The following DCDC1 variants were observed in gnomAD, a reference collection of about 807,000 sequenced individuals.
The protein encoded by DCDC1 is doublecortin domain containing 1, also known as doublecortin domain-containing protein 1.
DCDC1 carries 200 observed loss-of-function variants against 178.3 expected under a neutral mutation model. The ratio of observed to expected loss-of-function variants is 1.12; its 90% confidence interval spans 1.00 to 1.26. The LOEUF (loss-of-function observed/expected upper bound fraction) is 1.26. DCDC1 is among the 50% of genes most tolerant of loss of function. The pLI, the probability that DCDC1 is intolerant of heterozygous loss-of-function variation, is 0.00. For missense variants in DCDC1, 1,983 were observed against 1,749.2 expected, an observed-to-expected ratio of 1.13 and a Z score of -2.38; for synonymous variants, 690 against 604.8, an observed-to-expected ratio of 1.14 and a Z score of -2.07.
chr11:31,280,800 C>T (rs1408171302), intron 7 of DCDC1: 2 of 615,712 alleles, frequency 3.2e-6, no homozygotes, highest in East Asian at 7.8e-5. Context: ...ATCAGTGTAT[C>T]CTCTCCCCAG....
chr11:31,024,466 A>G (rs1953090386), intron 20 of DCDC1, among the ~76,000 whole-genome samples: 1 of 152,008 alleles, frequency 6.6e-6, no homozygotes, highest in Non-Finnish European at 1.5e-5. Flanking sequence ...TTTTTTAAAA[A>G]GAATTATATG....
chr11:30,866,067 G>T (rs1400751252), intron 38 of DCDC1, among the ~76,000 whole-genome samples: 3 of 152,036 alleles, frequency 2.0e-5, no homozygotes, highest in African/African-American at 7.2e-5. Context: ...GACTAGGGTG[G>T]GCCCCTAATC....
chr11:31,042,649 T>G (rs1954544153), intron 20 of DCDC1, among the ~76,000 whole-genome samples: 1 of 152,190 alleles, frequency 6.6e-6, no homozygotes, highest in Non-Finnish European at 1.5e-5. Context: ...TTGAAATATC[T>G]GTATACAACC....
intron 9 of DCDC1, among the ~76,000 whole-genome samples, chr11:31,234,700 T>C (rs1054415550): frequency 2.6e-5 from 4 of 152,068 alleles, no homozygotes; most frequent in African/African-American, 9.7e-5. Flanking sequence ...GTGAGCATTA[T>C]TGTTTTCGGA....
chr11:31,026,904 C>T (rs1462124907), intron 20 of DCDC1, among the ~76,000 whole-genome samples: 1 of 151,738 alleles, frequency 6.6e-6, no homozygotes, highest in Non-Finnish European at 1.5e-5. Flanking sequence ...CCTTAAAGCA[C>T]AGCAACCCTC....
intron 9 of DCDC1, among the ~76,000 whole-genome samples, chr11:31,235,075 C>T (rs952116187): frequency 6.6e-6 from 1 of 152,082 alleles, no homozygotes; most frequent in Non-Finnish European, 1.5e-5. Context: ...GAAATTTCCA[C>T]ATAAGATATC....
Position 31,091,417 on chromosome 11 carries a change from C to T in DCDC1, c.2213G>A (p.Gly738Glu), listed in dbSNP as rs751269799. ...CCTTTTCTGTAAGATTAATTTATAT[C>T]CTTCTAGTGATGTTCCCTCAGCAGC... ...VKAAEGTSLE[G>E]YKLILQKRHS... The change falls in exon 17 of 39, where the codon GGA becomes GAA. Residue 738 changes from glycine (G) to glutamate (E), a missense_variant. Gly to Glu is a moderately conservative substitution (Grantham distance 98). Coordinates refer to ENST00000684477, the MANE Select transcript of DCDC1 (RefSeq NM_001387274.1). 2.6e-6 allele frequency: 2 copies of T among 756,186 alleles called. No homozygotes were observed. Among genetic ancestry groups the T allele is most frequent in the Admixed American group, 1.7e-5 (1 of 57,826 alleles). 46.8% of individuals were successfully genotyped at this position (756,186 alleles called of 1,614,324 possible).
intron 20 of DCDC1, among the ~76,000 whole-genome samples, chr11:30,958,232 A>G (rs1948880505): frequency 6.6e-6 from 1 of 152,132 alleles, no homozygotes; most frequent in East Asian, 1.9e-4. Context: ...TTTGAGGAAA[A>G]AGTATGTGGA....
chr11:31,078,165 T>C (rs1451834522), intron 17 of DCDC1, among the ~76,000 whole-genome samples: 1 of 152,146 alleles, frequency 6.6e-6, no homozygotes, highest in Non-Finnish European at 1.5e-5. Flanking sequence ...GTGTTACCAG[T>C]AGCAACAGTG....
intron 1 of DCDC1, among the ~76,000 whole-genome samples, chr11:31,353,528 G>A (rs2133316060): frequency 6.6e-6 from 1 of 152,246 alleles, no homozygotes; most frequent in East Asian, 1.9e-4. Context: ...GCCTAAATAT[G>A]TGGCCCACTA....
At chr11:31,018,871 T>C (rs1952673342) in intron 20 of DCDC1, among the ~76,000 whole-genome samples, 1 of 151,988 alleles carries the variant, frequency 6.6e-6, no homozygotes, top group African/African-American at 2.4e-5. Flanking sequence ...TGAGCTTTGG[T>C]AATAAGGTGT....
At chr11:31,206,252 C>T (rs1971848205) in intron 9 of DCDC1, among the ~76,000 whole-genome samples, 1 of 152,164 alleles carries the variant, frequency 6.6e-6, no homozygotes, top group Non-Finnish European at 1.5e-5. Context: ...AAGCCCATTG[C>T]TGAGAGTGGG....
At chr11:30,982,903 C>T (rs1029884067) in intron 20 of DCDC1, among the ~76,000 whole-genome samples, 12 of 152,090 alleles carry the variant, frequency 7.9e-5, no homozygotes, top group African/African-American at 1.2e-4. Flanking sequence ...AAAATTTTAT[C>T]AATTTACATT....
At chr11:31,259,732 T>C (rs1211548776) in intron 8 of DCDC1, among the ~76,000 whole-genome samples, 1 of 152,172 alleles carries the variant, frequency 6.6e-6, no homozygotes, top group Non-Finnish European at 1.5e-5. Flanking sequence ...AATGCCTTAA[T>C]GGGAGATTGC....
Position 30,864,956 on chromosome 11 carries a change from T to C in DCDC1, c.*417A>G, listed in dbSNP as rs1940855565. On this transcript the variant is annotated 3_prime_UTR_variant, in exon 39 of 39. Coordinates refer to ENST00000684477, the MANE Select transcript of DCDC1 (RefSeq NM_001387274.1). ...AAACTGAGTTATTTTGAAGGATAAA[T>C]TTATTTTTTATTTTTTATTTTTTGC... The C allele has an allele frequency of 6.6e-6, 1 of 151,740 alleles. No homozygotes were observed. The highest frequency in any genetic ancestry group is 3.4e-3 in the Middle Eastern group (1 of 294). 9.4% of individuals were successfully genotyped at this position (151,740 alleles called of 1,614,324 possible).
chr11:31,169,303 A>G (rs762433005), intron 9 of DCDC1, among the ~76,000 whole-genome samples: 7 of 152,224 alleles, frequency 4.6e-5, no homozygotes, highest in Non-Finnish European at 7.3e-5. Flanking sequence ...TGGCACATGT[A>G]TACCTATGTA....
intron 20 of DCDC1, among the ~76,000 whole-genome samples, chr11:31,026,159 A>AAG: frequency 6.6e-6 from 1 of 151,912 alleles, no homozygotes; most frequent in East Asian, 1.9e-4. Flanking sequence ...AGGAAGCATA[A>AAG]AGAGCTCTGT....
In DCDC1 at chr11:30,948,480, T is replaced by C. The variant is rs561952513; in HGVS notation, c.2715+3965A>G. Among the ~76,000 whole-genome samples, 6 of 152,312 alleles carry C rather than the reference T, an allele frequency of 3.9e-5. No individual in the cohort carries two copies. The East Asian group carries it at 9.6e-4, about 24-fold the overall frequency. The stretch of plus-strand genomic sequence containing the variant: ...CTCCCCATCAAGCTACCACTGACTT[T>C]CTTCACAGAAGTAGAAAAAACTACT... On this transcript the variant is annotated intron_variant, in intron 21 of 38. Coordinates refer to ENST00000684477, the MANE Select transcript of DCDC1 (RefSeq NM_001387274.1).
intron 15 of DCDC1, among the ~76,000 whole-genome samples, chr11:31,096,862 GA>G (rs1457551185): frequency 3.3e-5 from 5 of 151,934 alleles, no homozygotes; most frequent in East Asian, 1.9e-4. Context: ...TGGGATTTAA[GA>G]AAAAAAAGTG....
Sources: allele counts gnomAD v4.1 joint callset (sites outside exome capture counted in the v4.1 genomes callset), GRCh38; gene constraint gnomAD v4.1.1; transcripts MANE v1.5; gene names NCBI Gene and HGNC (gene_info 2026-07-23, HGNC 2026-07-21).